The following TXNRD1 variants were observed in gnomAD, a reference collection of about 807,000 sequenced individuals.
The protein encoded by TXNRD1 is thioredoxin reductase 1, cytoplasmic.
Under a neutral mutation model 80.3 loss-of-function variants are expected in TXNRD1, and 57 were observed. The ratio of observed to expected loss-of-function variants is 0.71; its 90% CI spans 0.57 to 0.89. The LOEUF (loss-of-function observed/expected upper bound fraction) is 0.89, where lower values mean the gene tolerates loss of function less well. TXNRD1 is among the 40% of genes least tolerant of loss of function. TXNRD1 has a pLI of 0.00. For missense variants in TXNRD1, 730 were observed against 803.0 expected (o/e 0.91, Z 1.10); for synonymous variants, 291 against 285.2 (o/e 1.02, Z -0.20).
intron 9 of TXNRD1, among the ~76,000 whole-genome samples, chr12:104,320,759 G>T (rs1421846154): frequency 6.6e-6 from 1 of 152,098 alleles, no homozygotes; most frequent in Non-Finnish European, 1.5e-5. Flanking sequence ...CATGAGGATG[G>T]AGGTTAGGGT....
intron 3 of TXNRD1, among the ~76,000 whole-genome samples, chr12:104,259,208 G>T (rs1260557568): frequency 6.6e-6 from 1 of 151,926 alleles, no homozygotes; most frequent in Non-Finnish European, 1.5e-5. Flanking sequence ...GTGAAACCCT[G>T]TCTCTACTAA....
Position 104,335,414 on chromosome 12 carries a change from G to A in TXNRD1, c.1746+1082G>A, listed in dbSNP as rs34630684. On this transcript the variant is annotated intron_variant, in intron 15 of 16. Transcript: ENST00000525566. Reference sequence around the variant, plus strand: ...GGGGTTTCACCATGTTGGCCAGGCTGGTCTCGAACTCCTGACCTCAGGTGA... The same window carrying A: ...GGGGTTTCACCATGTTGGCCAGGCTAGTCTCGAACTCCTGACCTCAGGTGA... 4.2e-4 allele frequency among the ~76,000 whole-genome samples: 64 copies of A among 152,178 alleles called. 1 individual carries two copies. In the East Asian group the frequency reaches 9.7e-3, roughly 23 times the overall value.
chr12:104,216,618 G>T (rs756884171), intron 1 of TXNRD1, among the ~76,000 whole-genome samples: 1 of 152,204 alleles, frequency 6.6e-6, no homozygotes, highest in African/African-American at 2.4e-5. Context: ...CATACTGAGA[G>T]ATTTATCATA....
chr12:104,318,628 A>G (rs939116054), intron 7 of TXNRD1, among the ~76,000 whole-genome samples: 1 of 152,224 alleles, frequency 6.6e-6, no homozygotes, highest in Non-Finnish European at 1.5e-5. Context: ...CCCAGAAATC[A>G]GTAAAATTCA....
chr12:104,252,660 T>TATATATATA (rs1182730147), intron 2 of TXNRD1, among the ~76,000 whole-genome samples: 28 of 53,196 alleles, frequency 5.3e-4, no homozygotes, highest in African/African-American at 2.8e-3. Flanking sequence ...ATTTATTATT[T>TATATATATA]TTTATATATA....
intron 4 of TXNRD1, among the ~76,000 whole-genome samples, chr12:104,300,983 C>T (rs760133886): frequency 1.3e-5 from 2 of 152,184 alleles, no homozygotes; most frequent in Non-Finnish European, 2.9e-5. Context: ...TAATGCAAGT[C>T]TGCCTTTCTT....
intron 3 of TXNRD1, among the ~76,000 whole-genome samples, chr12:104,273,875 C>T (rs1593737302): frequency 1.3e-5 from 2 of 152,074 alleles, no homozygotes; most frequent in South Asian, 4.1e-4. Context: ...CACGGTGCAA[C>T]CCTGTCTCTA....
chr12:104,298,587 G>A (rs1019877812), intron 4 of TXNRD1, among the ~76,000 whole-genome samples: 10 of 151,852 alleles, frequency 6.6e-5, no homozygotes, highest in Admixed American at 2.6e-4. Context: ...AGCTGGGCGC[G>A]GTGGCACACA....
intron 4 of TXNRD1, among the ~76,000 whole-genome samples, chr12:104,301,417 A>G (rs769984199): frequency 3.9e-5 from 6 of 152,120 alleles, no homozygotes; most frequent in Non-Finnish European, 8.8e-5. Context: ...GGCTCACTGC[A>G]AGCTCCGTCT....
At chr12:104,256,704 G>A (rs1318200560) in intron 2 of TXNRD1, among the ~76,000 whole-genome samples, 1 of 150,942 alleles carries the variant, frequency 6.6e-6, no homozygotes, top group African/African-American at 2.4e-5. Flanking sequence ...GCCTGAACCC[G>A]GGGAGGCAGA....
intron 4 of TXNRD1, 25 bp downstream of exon 4, chr12:104,289,065 T>A: frequency 6.2e-7 from 1 of 1,604,198 alleles, no homozygotes; most frequent in African/African-American, 1.3e-5. Flanking sequence ...CGTATCTTTT[T>A]AAACGGGGGA....
chr12:104,335,022 T>C (rs2036086458), intron 15 of TXNRD1, among the ~76,000 whole-genome samples: 1 of 152,184 alleles, frequency 6.6e-6, no homozygotes, highest in Non-Finnish European at 1.5e-5. Context: ...GAGCTCTTAA[T>C]TGAGTTCTAA....
At chr12:104,244,455 T>G (rs2032936640) in intron 1 of TXNRD1, among the ~76,000 whole-genome samples, 1 of 152,214 alleles carries the variant, frequency 6.6e-6, no homozygotes, top group Non-Finnish European at 1.5e-5. Flanking sequence ...TTAATTTTTT[T>G]TTTAAGTTTG....
At chr12:104,317,863 G>T (rs757178844) in intron 7 of TXNRD1, among the ~76,000 whole-genome samples, 1 of 152,168 alleles carries the variant, frequency 6.6e-6, no homozygotes, top group Non-Finnish European at 1.5e-5. Flanking sequence ...ATTGAGGCTG[G>T]GTGCAATGAC....
intron 2 of TXNRD1, among the ~76,000 whole-genome samples, chr12:104,253,147 C>G (rs752313613): frequency 5.3e-5 from 8 of 152,128 alleles, no homozygotes; most frequent in Non-Finnish European, 1.0e-4. Context: ...TGGACTCTCT[C>G]TCTCTGTTTC....
In TXNRD1 at chr12:104,348,409, C is replaced by G. The variant is rs1327002999; in HGVS notation, c.1938C>G (p.Gly646=). ...CTGGGGCAAGCATCCTCCAGGCTGGCTGCTGAGGTTAAGCCCCAGTGTGGA... is the reference window on the plus strand; with the variant it reads ...CTGGGGCAAGCATCCTCCAGGCTGGGTGCTGAGGTTAAGCCCCAGTGTGGA... ...KRSGASILQA[G]CUG Residue 646 remains glycine (G), a synonymous_variant, in exon 17 of 17, where the codon GGC becomes GGG. Coordinates refer to ENST00000525566, the MANE Select transcript of TXNRD1 (RefSeq NM_001093771.3). 2 of 1,614,002 alleles carry G rather than the reference C, an allele frequency of 1.2e-6. No homozygotes were observed. Among genetic ancestry groups the G allele is most frequent in the Non-Finnish European group, 1.7e-6 (2 of 1,179,880 alleles).
chr12:104,279,302 A>G (rs2135733468), intron 3 of TXNRD1, among the ~76,000 whole-genome samples: 1 of 152,380 alleles, frequency 6.6e-6, no homozygotes, highest in South Asian at 2.1e-4. Context: ...TACTAGGCAG[A>G]AAGAATAGAT....
chr12:104,297,394 T>A (rs1303187292), intron 4 of TXNRD1, among the ~76,000 whole-genome samples: 2 of 151,036 alleles, frequency 1.3e-5, no homozygotes, highest in Non-Finnish European at 2.9e-5. Context: ...TGAAATGGAG[T>A]CTTGCTCTGT....
intron 1 of TXNRD1, among the ~76,000 whole-genome samples, chr12:104,242,646 G>A (rs1565859068): frequency 6.6e-6 from 1 of 152,078 alleles, no homozygotes; most frequent in Non-Finnish European, 1.5e-5. Context: ...GAAAGGATAT[G>A]TTTTTCTTCT....
Sources: allele counts gnomAD v4.1 joint callset (sites outside exome capture counted in the v4.1 genomes callset), GRCh38; gene constraint gnomAD v4.1.1; transcripts MANE v1.5; gene names NCBI Gene and HGNC (gene_info 2026-07-23, HGNC 2026-07-21).